The following FLVCR2 variants were observed in gnomAD, a reference collection of about 807,000 sequenced individuals.
FLVCR2 encodes choline/ethanolamine transporter FLVCR2.
FLVCR2 carries 38 observed loss-of-function variants against 48.9 expected under a neutral mutation model. That is an observed-to-expected ratio of 0.78 (90% CI 0.60 to 1.02). The LOEUF (loss-of-function observed/expected upper bound fraction) is 1.02. Among genes scored for constraint, FLVCR2 ranks in the 50% least tolerant of loss-of-function variants. The probability of loss-of-function intolerance (pLI) is 0.00; values close to 1 mark genes in which losing one functional copy is unlikely to be tolerated. For missense variants in FLVCR2, 664 were observed against 663.3 expected (o/e 1.00, Z -0.01); for synonymous variants, 255 against 257.0 (o/e 0.99, Z 0.07).
chr14:75,588,394 C>A (rs536677173), intron 1 of FLVCR2, among the ~76,000 whole-genome samples: 2 of 152,286 alleles, frequency 1.3e-5, no homozygotes, highest in Admixed American at 1.3e-4. Context: ...GAAGGTAGAG[C>A]CCTCATGACT....
intron 1 of FLVCR2, among the ~76,000 whole-genome samples, chr14:75,584,748 C>T (rs755883436): frequency 2.2e-4 from 33 of 152,200 alleles, no homozygotes; most frequent in Non-Finnish European, 2.9e-5. Flanking sequence ...TCCCGTTCAT[C>T]TGGGGAGAGG....
In FLVCR2 at chr14:75,634,990, G is replaced by C; in HGVS notation, c.1101G>C (p.Trp367Cys). The C allele has an allele frequency of 6.2e-7, 1 of 1,613,216 alleles. No homozygotes were observed. The highest frequency in any genetic ancestry group is 8.5e-7 in the Non-Finnish European group (1 of 1,179,216). Residue 367 changes from tryptophan to cysteine, a missense_variant, in exon 5 of 10, where the codon TGG becomes TGC. Transcript: ENST00000238667. Reference protein sequence around the residue: ...GMLGAVISGIWLDRSKTYKET... With the variant: ...GMLGAVISGICLDRSKTYKET... ...TTGGGGCTGTGATCTCAGGAATCTG[G>C]CTGGATAGGTCCAAAACCTACAAGT...
intron 1 of FLVCR2, among the ~76,000 whole-genome samples, chr14:75,600,503 C>A (rs909947077): frequency 6.6e-6 from 1 of 152,146 alleles, no homozygotes; most frequent in Non-Finnish European, 1.5e-5. Context: ...TGTATAAGAT[C>A]CAAGAAACCT....
intron 5 of FLVCR2, among the ~76,000 whole-genome samples, chr14:75,636,132 C>T (rs1890162839): frequency 1.3e-5 from 2 of 152,010 alleles, no homozygotes; most frequent in South Asian, 4.2e-4. Context: ...CTGTACTGTA[C>T]CGGGGCAGAG....
rs776154762 is a variant in FLVCR2 at position 75,604,923 on chromosome 14, G to A, written c.670-17156G>A. Among the ~76,000 whole-genome samples, 4 of 152,132 alleles carry A rather than the reference G, an allele frequency of 2.6e-5. No homozygotes were observed. The East Asian group carries it at 5.8e-4, about 22-fold the overall frequency. ...AGTTGGTGTAATATTCCCAGAGTGC[G>A]GTGATGAAGACTTTGGAGACTCTGG... On this transcript the variant is annotated intron_variant, in intron 1 of 9. Transcript: ENST00000238667.
intron 1 of FLVCR2, among the ~76,000 whole-genome samples, chr14:75,580,012 G>A (rs946806532): frequency 6.6e-6 from 1 of 152,246 alleles, no homozygotes; most frequent in South Asian, 2.1e-4. Context: ...GAACTTGGCA[G>A]TGCTTTCAGT....
intron 1 of FLVCR2, among the ~76,000 whole-genome samples, chr14:75,584,860 G>C (rs1034607111): frequency 4.6e-5 from 7 of 152,238 alleles, no homozygotes; most frequent in Non-Finnish European, 5.9e-5. Flanking sequence ...ACAAGAAAGA[G>C]CCTAAATGCT....
At chr14:75,620,379 T>C (rs545005630) in intron 1 of FLVCR2, among the ~76,000 whole-genome samples, 55 of 152,334 alleles carry the variant, frequency 3.6e-4, no homozygotes, top group Non-Finnish European at 6.9e-4. Context: ...ATCTGCTTTC[T>C]CACCTCCACT....
intron 1 of FLVCR2, among the ~76,000 whole-genome samples, chr14:75,610,969 G>A (rs1889428999): frequency 6.6e-6 from 1 of 152,232 alleles, no homozygotes. Flanking sequence ...AGTTCTAAGA[G>A]TTATTTCTTC....
intron 1 of FLVCR2, among the ~76,000 whole-genome samples, chr14:75,617,327 T>TGATTA (rs1889644014): frequency 6.6e-6 from 1 of 152,172 alleles, no homozygotes. Context: ...TGACATTTGC[T>TGATTA]CTGGAAACGT....
chr14:75,611,112 A>C (rs1416427967), intron 1 of FLVCR2, among the ~76,000 whole-genome samples: 1 of 152,208 alleles, frequency 6.6e-6, no homozygotes, highest in Non-Finnish European at 1.5e-5. Context: ...TTTGGGAGAC[A>C]ACACACTACA....
Position 75,596,092 on chromosome 14 carries a change from C to T in FLVCR2, c.669+16451C>T, listed in dbSNP as rs923848801. Reference sequence around the variant, plus strand: ...ATTTTGGCTAGTTTTTCCCAAATTTCTGTCTTAGGCACTGTTGCCTTCCCA... The same window carrying T: ...ATTTTGGCTAGTTTTTCCCAAATTTTTGTCTTAGGCACTGTTGCCTTCCCA... On this transcript the variant is annotated intron_variant, in intron 1 of 9. Transcript: ENST00000238667. 4 of 1,074,502 alleles carry T rather than the reference C, an allele frequency of 3.7e-6. No homozygotes were observed. In the East Asian group the frequency reaches 7.1e-5, roughly 19 times the overall value. The allele number at this position is 1,074,502 out of a possible 1,614,324, so 66.6% of individuals were successfully genotyped here. A position where few individuals can be genotyped will look rare whatever the true frequency, so the allele number is the denominator to read the frequency against.
intron 3 of FLVCR2, among the ~76,000 whole-genome samples, chr14:75,629,771 T>C (rs79181796): frequency 0.054 from 8,183 of 152,338 alleles, 250 homozygotes; most frequent in Middle Eastern, 0.12. Context: ...GGCGTACTTT[T>C]CCCATAGTTA....
chr14:75,606,799 C>G (rs922866242), intron 1 of FLVCR2, among the ~76,000 whole-genome samples: 3 of 152,084 alleles, frequency 2.0e-5, no homozygotes, highest in Non-Finnish European at 2.9e-5. Flanking sequence ...AAAAAATTAG[C>G]CAGGCATGGT....
chr14:75,596,780 G>GCCCCCCCCCCCCCCCCC (rs35205012), intron 1 of FLVCR2, among the ~76,000 whole-genome samples: 1 of 78,086 alleles, frequency 1.3e-5, no homozygotes, highest in African/African-American at 5.0e-5. Flanking sequence ...CTCCTCTTTT[G>GCCCCCCCCCCCCCCCCC]CCCCCCCCCC....
At chr14:75,614,369 G>A (rs1026305079) in intron 1 of FLVCR2, among the ~76,000 whole-genome samples, 1 of 152,176 alleles carries the variant, frequency 6.6e-6, no homozygotes, top group African/African-American at 2.4e-5. Context: ...CAACAACCAT[G>A]TATTGAGTAA....
Position 75,579,093 on chromosome 14 carries a change from A to ATCAACCCCAGCGTCTCTG in FLVCR2, c.124_141dup (p.Asn42_Val47dup). The stretch of plus-strand genomic sequence containing the variant: ...CGTCTCGGTCCATCCCAGCGTCTCC[A>ATCAACCCCAGCGTCTCTG]TCAACCCCAGCGTCTCTGTCCACCC... On this transcript the variant is annotated inframe_insertion, in exon 1 of 10. Transcript: ENST00000238667. The ATCAACCCCAGCGTCTCTG allele has an allele frequency of 6.2e-7, 1 of 1,613,824 alleles. No individual in the cohort carries two copies. Among genetic ancestry groups the ATCAACCCCAGCGTCTCTG allele is most frequent in the Non-Finnish European group, 8.5e-7 (1 of 1,179,876 alleles).
At chr14:75,589,185 C>T (rs928643557) in intron 1 of FLVCR2, among the ~76,000 whole-genome samples, 13 of 152,190 alleles carry the variant, frequency 8.5e-5, no homozygotes, top group Non-Finnish European at 1.8e-4. Flanking sequence ...CACTGCACTC[C>T]AGCCTTGGTG....
At chr14:75,608,224 C>T (rs1889346828) in intron 1 of FLVCR2, among the ~76,000 whole-genome samples, 1 of 152,212 alleles carries the variant, frequency 6.6e-6, no homozygotes, top group African/African-American at 2.4e-5. Context: ...TCAGGATAAG[C>T]TCCATCATCC....
Sources: gnomAD v4.1 joint callset for allele counts (sites outside exome capture counted in the v4.1 genomes callset) on GRCh38, gnomAD v4.1.1 for gene constraint, MANE v1.5 for transcripts, NCBI Gene and HGNC (gene_info 2026-07-23, HGNC 2026-07-21) for gene names.